Variants in COL18A1 observed in about 807,000 individuals in gnomAD.
COL18A1 encodes collagen type XVIII alpha 1 chain.
In COL18A1, 133 loss-of-function variants were observed where a neutral mutation model predicts 168.0. The ratio of observed to expected loss-of-function variants is 0.79; its 90% CI spans 0.69 to 0.91. COL18A1 has a LOEUF of 0.91. Ranked by LOEUF, COL18A1 falls within the 40% of genes least tolerant of loss-of-function variation. The probability of loss-of-function intolerance (pLI) is 0.00; values close to 1 mark genes in which losing one functional copy is unlikely to be tolerated. For synonymous variants in COL18A1, 949 were observed against 809.0 expected, an observed-to-expected ratio of 1.17 and a Z score of -2.94; for missense variants, 2,126 against 1,925.4, an observed-to-expected ratio of 1.10 and a Z score of -1.95.
At chr21:45,427,758 C>T (rs2033848178) in intron 2 of COL18A1, among the ~76,000 whole-genome samples, 1 of 152,180 alleles carries the variant, frequency 6.6e-6, no homozygotes, top group African/African-American at 2.4e-5. Flanking sequence ...TGCTGGTCGC[C>T]ATCACGTGAC....
chr21:45,502,545 T>G (rs1413652630), intron 32 of COL18A1: 1 of 152,148 alleles, frequency 6.6e-6, no homozygotes, highest in Non-Finnish European at 1.5e-5. Context: ...GTTTTATATA[T>G]AAAAATAGCA....
intron 9 of COL18A1, among the ~76,000 whole-genome samples, chr21:45,479,164 ATGTG>A (rs1405749538): frequency 7.1e-6 from 1 of 140,754 alleles, no homozygotes; most frequent in South Asian, 2.2e-4. Flanking sequence ...GAGTGTGTGA[ATGTG>A]TGACTGCGCG....
intron 9 of COL18A1, among the ~76,000 whole-genome samples, chr21:45,479,197 G>A (rs1876916659): frequency 6.6e-6 from 1 of 151,834 alleles, no homozygotes. Context: ...GGGGGGTGAG[G>A]ATCCACACGT....
In COL18A1 at chr21:45,495,708, GCA is replaced by G. The variant is rs1568928009; in HGVS notation, c.2508+281_2508+282del. 1.1e-5 allele frequency: 5 copies of G among 437,510 alleles called. No homozygotes were observed. In the Admixed American group the frequency reaches 1.4e-4, roughly 12 times the overall value. 27.1% of individuals were successfully genotyped at this position (437,510 alleles called of 1,614,324 possible). ...TGCACATACATGCCCATACACACGC[GCA>G]CACATACACGCACACACACATCCAC... is the stretch of plus-strand genomic sequence containing the variant. On this transcript the variant is annotated intron_variant, in intron 29 of 41. Transcript: ENST00000651438.
chr21:45,480,604 C>A, intron 12 of COL18A1, 84 bp downstream of exon 12: 1 of 1,613,298 alleles, frequency 6.2e-7, no homozygotes, highest in Non-Finnish European at 8.5e-7. Context: ...CAGCTGGGGT[C>A]CTGTGGGGGG....
intron 29 of COL18A1, 194 bp downstream of exon 29, chr21:45,495,626 A>T: frequency 1.7e-6 from 1 of 595,212 alleles, no homozygotes; most frequent in South Asian, 1.8e-5. Context: ...GTGCCCAAAC[A>T]TGCATGCACA....
intron 15 of COL18A1, among the ~76,000 whole-genome samples, 155 bp downstream of exon 15, chr21:45,482,976 C>T (rs970195159): frequency 6.6e-6 from 1 of 152,212 alleles, no homozygotes; most frequent in Non-Finnish European, 1.5e-5. Flanking sequence ...TCCGTCCTGC[C>T]GGAATCGCGG....
chr21:45,512,523 A>ACGTTTCATGTAATCCTCAAGAAAT lies in COL18A1; in HGVS notation c.*126_*149dup. On this transcript the variant is annotated 3_prime_UTR_variant, in exon 42 of 42. Transcript: ENST00000651438. ...GCTGCCATACTTTCCTGTATAGTTCACGTTTCATGTAATCCTCAAGAAATA... is the reference window on the plus strand; with the variant it reads ...GCTGCCATACTTTCCTGTATAGTTCACGTTTCATGTAATCCTCAAGAAATCGTTTCATGTAATCCTCAAGAAATA... The ACGTTTCATGTAATCCTCAAGAAAT allele has an allele frequency of 3.6e-6, 3 of 823,276 alleles. No homozygotes were observed. The South Asian group carries it at 4.6e-5, about 13-fold the overall frequency. 51.0% of individuals were successfully genotyped at this position (823,276 alleles called of 1,614,324 possible). A position where few individuals can be genotyped will look rare whatever the true frequency, so the allele number is the denominator to read the frequency against.
intron 2 of COL18A1, among the ~76,000 whole-genome samples, chr21:45,427,983 C>T (rs1018143988): frequency 9.2e-5 from 14 of 152,146 alleles, no homozygotes; most frequent in African/African-American, 7.2e-5. Context: ...CCTGCAGAGC[C>T]GGGAGGACAC....
chr21:45,413,459 C>T (rs923201504), intron 2 of COL18A1, among the ~76,000 whole-genome samples: 27 of 152,356 alleles, frequency 1.8e-4, no homozygotes, highest in Non-Finnish European at 2.1e-4. Flanking sequence ...TCTCCCGCTA[C>T]GACCCCTCGG....
At chr21:45,485,149 ATTTTTTTTTTTTTTT>A (rs751718038) in intron 15 of COL18A1, among the ~76,000 whole-genome samples, 4 of 55,084 alleles carry the variant, frequency 7.3e-5, no homozygotes, top group African/African-American at 1.6e-4. Context: ...CACCTGGCTA[ATTTTTTTTTTTTTTT>A]TTTTTTTTTT....
intron 2 of COL18A1, among the ~76,000 whole-genome samples, chr21:45,446,014 C>T (rs985831332): frequency 4.6e-5 from 7 of 152,160 alleles, no homozygotes; most frequent in African/African-American, 1.4e-4. Flanking sequence ...GAATCTTTTG[C>T]CAAATCCAAG....
At chr21:45,414,030 G>C (rs990928126) in intron 2 of COL18A1, among the ~76,000 whole-genome samples, 5 of 152,222 alleles carry the variant, frequency 3.3e-5, no homozygotes, top group African/African-American at 9.6e-5. Flanking sequence ...TCTGAGCCTT[G>C]GTCCCTTGGA....
intron 2 of COL18A1, among the ~76,000 whole-genome samples, chr21:45,436,747 T>C (rs2034111473): frequency 6.7e-6 from 1 of 149,228 alleles, no homozygotes; most frequent in Admixed American, 6.7e-5. Flanking sequence ...GCCGTGGCTG[T>C]GGGGTCCCTG....
At chr21:45,439,734 G>A (rs2034317644) in intron 2 of COL18A1, among the ~76,000 whole-genome samples, 2 of 146,314 alleles carry the variant, frequency 1.4e-5, no homozygotes, top group Admixed American at 6.7e-5. Context: ...CGTGCAGCAA[G>A]CAGGGTTTGG....
intron 15 of COL18A1, among the ~76,000 whole-genome samples, chr21:45,486,135 C>T (rs929707619): frequency 4.6e-5 from 7 of 152,218 alleles, no homozygotes; most frequent in African/African-American, 1.4e-4. Context: ...CAGCACATGC[C>T]TCCGGGCTCG....
chr21:45,508,653 T>C (rs1396546113), intron 38 of COL18A1, among the ~76,000 whole-genome samples: 2 of 152,120 alleles, frequency 1.3e-5, no homozygotes, highest in South Asian at 2.1e-4. Context: ...TGTGGAGCAG[T>C]GTCAGGGGCT....
At chr21:45,429,350 G>A (rs1367664833) in intron 2 of COL18A1, among the ~76,000 whole-genome samples, 6 of 152,212 alleles carry the variant, frequency 3.9e-5, no homozygotes, top group Admixed American at 3.3e-4. Context: ...CAGTTGCCAC[G>A]GGGAGCTGTG....
intron 2 of COL18A1, among the ~76,000 whole-genome samples, chr21:45,467,642 G>C (rs560482223): frequency 1.3e-5 from 2 of 152,330 alleles, no homozygotes; most frequent in South Asian, 2.1e-4. Flanking sequence ...CGTAGCCGAG[G>C]CTTCGAAGAA....
Sources: gnomAD v4.1 joint callset for allele counts (sites outside exome capture counted in the v4.1 genomes callset) on GRCh38, gnomAD v4.1.1 for gene constraint, MANE v1.5 for transcripts, NCBI Gene and HGNC (gene_info 2026-07-23, HGNC 2026-07-21) for gene names.